KCNAB1: variants seen among roughly 807,000 people sequenced by gnomAD.
KCNAB1 encodes voltage-gated potassium channel subunit beta-1.
Under a neutral mutation model 64.6 loss-of-function variants are expected in KCNAB1, and 35 were observed. That is an observed-to-expected ratio of 0.54 (90% CI 0.41 to 0.72). The LOEUF (loss-of-function observed/expected upper bound fraction) is 0.72. KCNAB1 is among the 30% of genes least tolerant of loss of function. KCNAB1 has a pLI of 0.00. For missense variants in KCNAB1, 401 were observed against 512.9 expected, an observed-to-expected ratio of 0.78 and a Z score of 2.11; for synonymous variants, 177 against 183.8, an observed-to-expected ratio of 0.96 and a Z score of 0.30.
Position 156,537,072 on chromosome 3 carries a change from A to C in KCNAB1, c.*325A>C, listed in dbSNP as rs1576990869. The C allele has an allele frequency of 1.7e-5, 7 of 416,678 alleles. No homozygotes were observed. Among genetic ancestry groups the C allele is most frequent in the East Asian group, 3.5e-5 (1 of 28,968 alleles). The allele number at this position is 416,678 out of a possible 1,614,324, so 25.8% of individuals were successfully genotyped here. On this transcript the variant is annotated 3_prime_UTR_variant, in exon 14 of 14. Coordinates refer to ENST00000490337, the MANE Select transcript of KCNAB1 (RefSeq NM_172160.3). ...CTTCAGGCATTTGGTAACTCAAAGA[A>C]GGCTGTACAGATATATTTTTTCAAA...
chr3:156,328,894 T>C (rs13320345), intron 1 of KCNAB1, among the ~76,000 whole-genome samples: 15,912 of 152,164 alleles, frequency 0.1, 2,660 homozygotes, highest in African/African-American at 0.35. Context: ...TGAAATGGAG[T>C]TGTTTGATAT....
At chr3:156,418,965 A>G (rs968133705) in intron 1 of KCNAB1, among the ~76,000 whole-genome samples, 1 of 152,224 alleles carries the variant, frequency 6.6e-6, no homozygotes, top group African/African-American at 2.4e-5. Flanking sequence ...TAAGGCTTTC[A>G]TTCCAGAAAG....
chr3:156,400,220 A>G (rs1375216120), intron 1 of KCNAB1, among the ~76,000 whole-genome samples: 1 of 152,192 alleles, frequency 6.6e-6, no homozygotes, highest in Non-Finnish European at 1.5e-5. Flanking sequence ...GCCTGAGGGT[A>G]TTTCCGGGAG....
intron 1 of KCNAB1, among the ~76,000 whole-genome samples, chr3:156,407,224 C>T (rs891996176): frequency 6.6e-6 from 1 of 152,170 alleles, no homozygotes; most frequent in African/African-American, 2.4e-5. Context: ...GCTTTCTGCT[C>T]ATCAACCTTG....
At chr3:156,184,868 G>A (rs1441907548) in intron 1 of KCNAB1, among the ~76,000 whole-genome samples, 2 of 152,016 alleles carry the variant, frequency 1.3e-5, no homozygotes, top group African/African-American at 4.8e-5. Context: ...TCCCATCCCT[G>A]GGCTCCTGTG....
chr3:156,471,122 A>G (rs1713854499), intron 7 of KCNAB1, among the ~76,000 whole-genome samples: 1 of 152,258 alleles, frequency 6.6e-6, no homozygotes, highest in Non-Finnish European at 1.5e-5. Flanking sequence ...ACAACACAGC[A>G]TGCTTAAATA....
intron 1 of KCNAB1, among the ~76,000 whole-genome samples, chr3:156,221,281 G>A (rs151241640): frequency 1.0e-3 from 155 of 152,258 alleles, no homozygotes; most frequent in African/African-American, 3.6e-3. Context: ...GATGGGGATA[G>A]CATTGAATCT....
At chr3:156,457,814 G>A (rs2293199) in intron 4 of KCNAB1, among the ~76,000 whole-genome samples, 75,966 of 152,120 alleles carry the variant, frequency 0.5, 19,218 homozygotes, top group Middle Eastern at 0.6. Flanking sequence ...GAGGGGCAGC[G>A]GAGTCTGATG....
At chr3:156,482,260 G>GA (rs201241230) in intron 8 of KCNAB1, among the ~76,000 whole-genome samples, 1,689 of 143,296 alleles carry the variant, frequency 0.012, 13 homozygotes, top group Middle Eastern at 0.017. Context: ...GATGTCTCTA[G>GA]AAAAAAAAAA....
At chr3:156,502,250 G>T (rs1440755565) in intron 8 of KCNAB1, among the ~76,000 whole-genome samples, 2 of 152,116 alleles carry the variant, frequency 1.3e-5, no homozygotes, top group African/African-American at 2.4e-5. Flanking sequence ...GGGTAAAGTG[G>T]AAGGGAAGGA....
chr3:156,176,086 C>G (rs1712351139), intron 1 of KCNAB1: 4 of 769,760 alleles, frequency 5.2e-6, no homozygotes, highest in Non-Finnish European at 9.7e-6. Flanking sequence ...GTGCACATTT[C>G]CTTGAACTAT....
intron 7 of KCNAB1, among the ~76,000 whole-genome samples, chr3:156,469,326 G>A (rs755996051): frequency 1.6e-4 from 22 of 141,240 alleles, no homozygotes; most frequent in East Asian, 2.1e-4. Context: ...GCACGATCTC[G>A]GCTCACTGCA....
In KCNAB1 at chr3:156,499,707, A is replaced by G. The variant is rs972325336; in HGVS notation, c.659-14657A>G. Among the ~76,000 whole-genome samples the G allele has an allele frequency of 3.3e-5, 5 of 152,232 alleles. No homozygotes were observed. The East Asian group carries it at 7.7e-4, about 24-fold the overall frequency. The stretch of plus-strand genomic sequence containing the variant: ...TCAAATTTTCATCCTCCTGAACCTG[A>G]TTTTTTCAAACATAAAGTGGGAATG... On this transcript the variant is annotated intron_variant, in intron 8 of 13. Transcript: ENST00000490337.
At chr3:156,218,801 A>AAAAAAAAAAAAAAAAAAATAAT (rs371264941) in intron 1 of KCNAB1, among the ~76,000 whole-genome samples, 13 of 112,234 alleles carry the variant, frequency 1.2e-4, no homozygotes, top group South Asian at 3.0e-4. Context: ...AAAAAAAAAA[A>AAAAAAAAAAAAAAAAAAATAAT]AATAATAATA....
chr3:156,252,323 C>G (rs1326554097), intron 1 of KCNAB1, among the ~76,000 whole-genome samples: 1 of 152,184 alleles, frequency 6.6e-6, no homozygotes, highest in Non-Finnish European at 1.5e-5. Flanking sequence ...TCTCTTATTG[C>G]TATTTTTCCC....
chr3:156,535,451 C>G (rs750700574), intron 13 of KCNAB1, among the ~76,000 whole-genome samples: 12 of 152,152 alleles, frequency 7.9e-5, no homozygotes, highest in Admixed American at 5.2e-4. Flanking sequence ...TGAGCTCATC[C>G]TTTCCCGGGG....
At chr3:156,126,429 T>C (rs1353076332) in intron 1 of KCNAB1, among the ~76,000 whole-genome samples, 1 of 152,134 alleles carries the variant, frequency 6.6e-6, no homozygotes, top group African/African-American at 2.4e-5. Flanking sequence ...TGGATGTTTT[T>C]AGGCAAAGGG....
At chr3:156,357,682 CA>C (rs2108099820) in intron 1 of KCNAB1, among the ~76,000 whole-genome samples, 1 of 151,960 alleles carries the variant, frequency 6.6e-6, no homozygotes, top group East Asian at 1.9e-4. Context: ...TTTAATAATA[CA>C]TTTTATTTAC....
chr3:156,118,679 C>T (rs1713183401), upstream of KCNAB1, among the ~76,000 whole-genome samples: 2 of 152,352 alleles, frequency 1.3e-5, no homozygotes, highest in African/African-American at 4.8e-5. Flanking sequence ...GACTCCAGAG[C>T]AGAGCTCTTA....
Sources: gnomAD v4.1 joint callset for allele counts (sites outside exome capture counted in the v4.1 genomes callset) on GRCh38, gnomAD v4.1.1 for gene constraint, MANE v1.5 for transcripts, NCBI Gene and HGNC (gene_info 2026-07-23, HGNC 2026-07-21) for gene names.